ACADSB: variants seen among roughly 807,000 people sequenced by gnomAD.
The protein encoded by ACADSB is acyl-CoA dehydrogenase short/branched chain, also known as short/branched chain specific acyl-CoA dehydrogenase, mitochondrial.
In ACADSB, 40 loss-of-function variants were observed where a neutral mutation model predicts 54.1. The observed-to-expected ratio is 0.74, with a 90% confidence interval of 0.57 to 0.96. The LOEUF is 0.96. Ranked by LOEUF, ACADSB falls within the 40% of genes least tolerant of loss-of-function variation. The probability of loss-of-function intolerance (pLI) is 0.00; values close to 1 mark genes in which losing one functional copy is unlikely to be tolerated. For synonymous variants in ACADSB, 182 were observed against 182.8 expected, an observed-to-expected ratio of 1.00 and a Z score of 0.03; for missense variants, 530 against 510.4, an observed-to-expected ratio of 1.04 and a Z score of -0.37.
At chr10:123,047,332 G>A in intron 8 of ACADSB, 34 bp downstream of exon 8, 1 of 1,412,422 alleles carries the variant, frequency 7.1e-7, no homozygotes, top group African/African-American at 1.4e-5. Context: ...TGCTGTGTTA[G>A]ACTTCCCCAG....
intron 1 of ACADSB, among the ~76,000 whole-genome samples, chr10:123,013,715 G>A (rs879476510): frequency 2.6e-5 from 4 of 152,244 alleles, no homozygotes; most frequent in Admixed American, 2.6e-4. Context: ...ACTGCTGGGG[G>A]ACCCGGCGCA....
intron 1 of ACADSB, among the ~76,000 whole-genome samples, chr10:123,030,769 G>A (rs202091720): frequency 1.7e-5 from 2 of 116,940 alleles, no homozygotes; most frequent in Non-Finnish European, 4.1e-5. Context: ...CAATTCTTTT[G>A]GGTTTCACAA....
intron 8 of ACADSB, among the ~76,000 whole-genome samples, chr10:123,050,423 G>T (rs1156989321): frequency 6.6e-6 from 1 of 152,178 alleles, no homozygotes; most frequent in Non-Finnish European, 1.5e-5. Context: ...AAACATTTCA[G>T]TTTGTAGTAA....
intron 1 of ACADSB, among the ~76,000 whole-genome samples, chr10:123,013,875 A>T (rs11248360): frequency 0.073 from 11,133 of 152,112 alleles, 483 homozygotes; most frequent in Middle Eastern, 0.16. Flanking sequence ...GTTCCCGCCC[A>T]TGCCTCTCCC....
intron 1 of ACADSB, among the ~76,000 whole-genome samples, chr10:123,022,011 GCTT>G (rs1850190918): frequency 6.6e-6 from 1 of 151,998 alleles, no homozygotes; most frequent in African/African-American, 2.4e-5. Flanking sequence ...ATTAAAAAAA[GCTT>G]CTTTCCAGCA....
chr10:123,035,562 C>T (rs1850386829), intron 2 of ACADSB, among the ~76,000 whole-genome samples: 1 of 152,198 alleles, frequency 6.6e-6, no homozygotes, highest in East Asian at 1.9e-4. Context: ...TAGTGGCTCA[C>T]AGTTCTGTAG....
chr10:123,051,948 C>A (rs1407201501), intron 9 of ACADSB, among the ~76,000 whole-genome samples: 2 of 152,110 alleles, frequency 1.3e-5, no homozygotes, highest in South Asian at 2.1e-4. Context: ...TATGATTCTA[C>A]CCCTAAAAGA....
intron 8 of ACADSB, among the ~76,000 whole-genome samples, chr10:123,050,149 T>C (rs1237120945): frequency 2.6e-5 from 4 of 152,260 alleles, no homozygotes; most frequent in African/African-American, 9.6e-5. Flanking sequence ...TTTCTCCAAC[T>C]TTTCCCTCCC....
chr10:123,014,813 C>T (rs765029730), intron 1 of ACADSB, among the ~76,000 whole-genome samples: 2 of 152,096 alleles, frequency 1.3e-5, no homozygotes, highest in East Asian at 1.9e-4. Context: ...CAGAGGGGTG[C>T]GGATTCCAGG....
chr10:123,041,966 CTTT>C (rs373340179), intron 5 of ACADSB, among the ~76,000 whole-genome samples: 3 of 132,694 alleles, frequency 2.3e-5, no homozygotes, highest in Non-Finnish European at 4.7e-5. Context: ...TTTTTCTTTT[CTTT>C]TTTTTTTTTT....
intron 1 of ACADSB, among the ~76,000 whole-genome samples, chr10:123,031,230 G>A (rs1328966756): frequency 6.6e-6 from 1 of 152,188 alleles, no homozygotes; most frequent in Non-Finnish European, 1.5e-5. Flanking sequence ...TTTAGTTAGA[G>A]GTTAGTGAAA....
rs868643850 is a variant in ACADSB at position 123,045,157 on chromosome 10, A to T, written c.900+672A>T. ...TATATATATATATATATATATATATATATATATATATATATTTTTTTTTTT... is the reference window on the plus strand; with the variant it reads ...TATATATATATATATATATATATATTTATATATATATATATTTTTTTTTTT... On this transcript the variant is annotated intron_variant, in intron 7 of 10. Coordinates refer to ENST00000358776, the MANE Select transcript of ACADSB (RefSeq NM_001609.4). Among the ~76,000 whole-genome samples the T allele has an allele frequency of 1.2e-3, 15 of 12,672 alleles. 1 individual carries two copies. The highest frequency in any genetic ancestry group is 1.6e-3 in the African/African-American group (4 of 2,454). The allele number at this position is 12,672 out of a possible 152,430, so 8.3% of individuals were successfully genotyped here. A position where few individuals can be genotyped will look rare whatever the true frequency, so the allele number is the denominator to read the frequency against.
intron 1 of ACADSB, among the ~76,000 whole-genome samples, chr10:123,022,912 A>G (rs1422357215): frequency 2.0e-5 from 3 of 152,198 alleles, no homozygotes; most frequent in Non-Finnish European, 4.4e-5. Flanking sequence ...TACACAAAAA[A>G]TTTACCTAAA....
chr10:123,025,538 CA>C (rs1666010120), intron 1 of ACADSB, among the ~76,000 whole-genome samples: 1 of 152,024 alleles, frequency 6.6e-6, no homozygotes, highest in Non-Finnish European at 1.5e-5. Context: ...TAAGCGAAGT[CA>C]AAAGACAAAT....
intron 1 of ACADSB, among the ~76,000 whole-genome samples, chr10:123,024,717 G>C (rs1369156273): frequency 6.6e-6 from 1 of 152,240 alleles, no homozygotes; most frequent in Non-Finnish European, 1.5e-5. Context: ...ACACCTAACA[G>C]GGTGGGGCCG....
At position 123,041,316 on chromosome 10, in the gene ACADSB, G is replaced by A. The variant is rs1304707525; in HGVS notation, c.618G>A (p.Met206Ile). The A allele has an allele frequency of 6.2e-7, 1 of 1,614,214 alleles. No homozygotes were observed. The highest frequency in any genetic ancestry group is 2.2e-5 in the East Asian group (1 of 44,882). Residue 206 changes from methionine (M) to isoleucine (I), a missense_variant, in exon 5 of 11, where the codon ATG becomes ATA. By Grantham distance (10) the Met-to-Ile change is conservative (BLOSUM62 1). Coordinates refer to ENST00000358776, the MANE Select transcript of ACADSB (RefSeq NM_001609.4). The part of the protein sequence containing the change: ...GDYYVLNGSK[M>I]WISSAEHAGL... ...ATTATGTCCTCAATGGATCAAAGAT[G>A]TGGATCAGCAGTGCTGAGCACGCAG...
chr10:123,044,256 G>C, intron 6 of ACADSB, 137 bp from the exon 7 acceptor site: 1 of 728,814 alleles, frequency 1.4e-6, no homozygotes, highest in Non-Finnish European at 2.4e-6. Context: ...AAACAGCGTA[G>C]AGGGAGACAC....
Position 123,049,482 on chromosome 10 carries a change from T to C in ACADSB, c.991-1567T>C, listed in dbSNP as rs1285221115. Among the ~76,000 whole-genome samples, 4 of 152,216 alleles carry C rather than the reference T, an allele frequency of 2.6e-5. No homozygotes were observed. The East Asian group carries it at 7.7e-4, about 29-fold the overall frequency. The stretch of plus-strand genomic sequence containing the variant: ...AATGTGGCAAAGGGAATAGACAGCA[T>C]GGATGGTGACTGTAAGTTTAATTGA... On this transcript the variant is annotated intron_variant, in intron 8 of 10. Transcript: ENST00000358776.
chr10:123,042,894 C>G, intron 5 of ACADSB, 152 bp from the exon 6 acceptor site: 1 of 752,558 alleles, frequency 1.3e-6, no homozygotes, highest in Non-Finnish European at 2.2e-6. Context: ...TGTCCTCTAG[C>G]TGCTCTCGTT....
Sources: allele counts gnomAD v4.1 joint callset (sites outside exome capture counted in the v4.1 genomes callset), GRCh38; gene constraint gnomAD v4.1.1; transcripts MANE v1.5; gene names NCBI Gene and HGNC (gene_info 2026-07-23, HGNC 2026-07-21).